ADAMTS17: variants seen among roughly 807,000 people sequenced by gnomAD.
ADAMTS17 encodes the protein A disintegrin and metalloproteinase with thrombospondin motifs 17.
A neutral mutation model predicts 141.5 loss-of-function variants in ADAMTS17; 113 were observed. The ratio of observed to expected loss-of-function variants is 0.80; its 90% confidence interval spans 0.69 to 0.93. The LOEUF (loss-of-function observed/expected upper bound fraction) is 0.93, where lower values mean the gene tolerates loss of function less well. Among genes scored for constraint, ADAMTS17 ranks in the 40% least tolerant of loss-of-function variants. The probability of loss-of-function intolerance (pLI) is 0.00; values close to 1 mark genes in which losing one functional copy is unlikely to be tolerated. For missense variants in ADAMTS17, 1,659 were observed against 1,517.9 expected (o/e 1.09, Z -1.54); for synonymous variants, 768 against 630.6 (o/e 1.22, Z -3.27).
At chr15:99,988,333 G>A (rs1258437468) in intron 20 of ADAMTS17, among the ~76,000 whole-genome samples, 1 of 152,010 alleles carries the variant, frequency 6.6e-6, no homozygotes, top group African/African-American at 2.4e-5. Flanking sequence ...AAAAAAGTCT[G>A]GGGCCTCTGC....
At chr15:100,267,416 T>C (rs947588828) in intron 4 of ADAMTS17, among the ~76,000 whole-genome samples, 6 of 152,220 alleles carry the variant, frequency 3.9e-5, no homozygotes, top group Non-Finnish European at 7.3e-5. Context: ...CGTTCGGCCA[T>C]TGTGAGTAAT....
At chr15:100,262,231 G>C (rs543120974) in intron 5 of ADAMTS17, 121 bp downstream of exon 5, 156 of 884,116 alleles carry the variant, frequency 1.8e-4, no homozygotes, top group Non-Finnish European at 2.5e-4. Flanking sequence ...CGCTGGCAAA[G>C]CCACAGAGAG....
chr15:100,262,208 G>A (rs923223247), intron 5 of ADAMTS17, 144 bp downstream of exon 5: 40 of 747,898 alleles, frequency 5.3e-5, no homozygotes, highest in Non-Finnish European at 7.5e-5. Flanking sequence ...TACTGATGCC[G>A]GCTTTCCTCT....
chr15:100,084,467 C>A (rs2034964785), intron 15 of ADAMTS17, among the ~76,000 whole-genome samples: 2 of 152,214 alleles, frequency 1.3e-5, no homozygotes, highest in African/African-American at 4.8e-5. Flanking sequence ...ACTTAAATGT[C>A]CCTTTCTGAC....
At chr15:100,056,728 A>G (rs2032604270) in intron 15 of ADAMTS17, among the ~76,000 whole-genome samples, 1 of 152,084 alleles carries the variant, frequency 6.6e-6, no homozygotes, top group African/African-American at 2.4e-5. Context: ...TTCTGCTTGA[A>G]GAAACACCTC....
intron 4 of ADAMTS17, among the ~76,000 whole-genome samples, chr15:100,275,970 G>A (rs375618233): frequency 9.3e-6 from 1 of 107,706 alleles, no homozygotes; most frequent in Non-Finnish European, 1.9e-5. Flanking sequence ...ACACATGGGC[G>A]GGCCAGGCCT....
At position 100,162,860 on chromosome 15, in the gene ADAMTS17, GTA is replaced by G. The variant is rs889745239; in HGVS notation, c.1182-7542_1182-7541del. ...TAACTATATATAGTTATATATCTGTGTATATATATAACTATATGTATATATAT... is the reference window on the plus strand; with the variant it reads ...TAACTATATATAGTTATATATCTGTGTATATATAACTATATGTATATATAT... On this transcript the variant is annotated intron_variant, in intron 8 of 21. Transcript: ENST00000268070. Among the ~76,000 whole-genome samples the G allele has an allele frequency of 1.3e-3, 190 of 142,028 alleles. 3 individuals are homozygous for G. The highest frequency in any genetic ancestry group is 8.9e-3 in the East Asian group (39 of 4,406). The allele number at this position is 142,028 out of a possible 152,430, so 93.2% of individuals were successfully genotyped here.
chr15:100,060,506 G>T (rs2033034207), intron 15 of ADAMTS17, among the ~76,000 whole-genome samples: 1 of 152,236 alleles, frequency 6.6e-6, no homozygotes, highest in Non-Finnish European at 1.5e-5. Context: ...GAAGGGCACT[G>T]CTCCTTTTCA....
intron 8 of ADAMTS17, among the ~76,000 whole-genome samples, chr15:100,190,242 T>C (rs1469573197): frequency 6.6e-6 from 1 of 152,220 alleles, no homozygotes; most frequent in African/African-American, 2.4e-5. Context: ...GAAACCACCA[T>C]CTGTGCTCTG....
intron 3 of ADAMTS17, among the ~76,000 whole-genome samples, chr15:100,293,892 T>C (rs932604716): frequency 1.2e-4 from 19 of 152,184 alleles, no homozygotes; most frequent in Non-Finnish European, 2.5e-4. Flanking sequence ...AACATAAATG[T>C]CCTGAAATGA....
rs116948752 is a variant in ADAMTS17, at chr15:100,127,538, G to A, written c.1721+4469C>T. Among the ~76,000 whole-genome samples the A allele has an allele frequency of 9.2e-5, 14 of 152,324 alleles. No homozygotes were observed. The East Asian group carries it at 2.1e-3, about 23-fold the overall frequency. The stretch of plus-strand genomic sequence containing the variant: ...GGCCTGCCGCTGCCTCGTGTGTGAC[G>A]TTGGGCAAGTTACCAAACTTCAATG... On this transcript the variant is annotated intron_variant, in intron 12 of 21. Coordinates refer to ENST00000268070, the MANE Select transcript of ADAMTS17 (RefSeq NM_139057.4).
chr15:100,050,989 C>T (rs1464508359), intron 17 of ADAMTS17, among the ~76,000 whole-genome samples: 1 of 152,188 alleles, frequency 6.6e-6, no homozygotes, highest in Non-Finnish European at 1.5e-5. Flanking sequence ...TTTGGCTCAC[C>T]CTGTGGACCC....
intron 18 of ADAMTS17, among the ~76,000 whole-genome samples, chr15:100,043,602 G>A (rs1008784634): frequency 6.6e-6 from 1 of 152,046 alleles, no homozygotes; most frequent in Non-Finnish European, 1.5e-5. Context: ...TCTGGCCTGC[G>A]GGGTTATTTT....
chr15:100,145,987 A>G (rs1359820539), intron 10 of ADAMTS17, among the ~76,000 whole-genome samples: 1 of 152,232 alleles, frequency 6.6e-6, no homozygotes, highest in Non-Finnish European at 1.5e-5. Flanking sequence ...AGCCTAGCCA[A>G]CACGGTGGAA....
At chr15:100,133,166 G>T in intron 11 of ADAMTS17, 48 bp downstream of exon 11, 1 of 1,511,362 alleles carries the variant, frequency 6.6e-7, no homozygotes, top group Non-Finnish European at 9.0e-7. Context: ...CCAGTTGCCT[G>T]CAAGATGTGG....
At chr15:100,249,285 C>T (rs2043079831) in intron 7 of ADAMTS17, among the ~76,000 whole-genome samples, 1 of 152,210 alleles carries the variant, frequency 6.6e-6, no homozygotes, top group Admixed American at 6.5e-5. Flanking sequence ...TCAATCTTCA[C>T]CCGAAAGATC....
At position 99,971,584 on chromosome 15, in the gene ADAMTS17, AATTCCATGGGTAC is replaced by A. The variant is rs1282169995; in HGVS notation, c.*2805_*2817del. On this transcript the variant is annotated 3_prime_UTR_variant, in exon 22 of 22. Transcript: ENST00000268070. Reference sequence around the variant, plus strand: ...AACCAGCCCCAAAAAGTAAAACAAAAATTCCATGGGTACAGTATGTAATGCAAGTTAACGAATG... The same window carrying A: ...AACCAGCCCCAAAAAGTAAAACAAAAAGTATGTAATGCAAGTTAACGAATG... 3.9e-5 allele frequency: 6 copies of A among 152,234 alleles called. No individual in the cohort carries two copies. The highest frequency in any genetic ancestry group is 1.4e-4 in the African/African-American group (6 of 41,462). The allele number at this position is 152,234 out of a possible 1,614,324, so 9.4% of individuals were successfully genotyped here.
At chr15:100,276,439 AGGGT>A (rs1439594689) in intron 4 of ADAMTS17, among the ~76,000 whole-genome samples, 2 of 39,108 alleles carry the variant, frequency 5.1e-5, no homozygotes, top group Non-Finnish European at 9.1e-5. Flanking sequence ...GCCTGGTGGG[AGGGT>A]GGGAGGGGGT....
In ADAMTS17 at chr15:100,006,411, A is replaced by C. The variant is rs141412654; in HGVS notation, c.2592-8822T>G. 8.3e-4 allele frequency among the ~76,000 whole-genome samples: 126 copies of C among 152,346 alleles called. 2 individuals carry two copies. In the East Asian group the frequency reaches 0.023, roughly 28 times the overall value. On this transcript the variant is annotated intron_variant, in intron 18 of 21. Transcript: ENST00000268070. ...TCTTGATTTGGCTGAGATTTAAACT[A>C]GGTAAAGGCCTTGTGAGGTCTGCTG...
Sources: gnomAD v4.1 joint callset for allele counts (sites outside exome capture counted in the v4.1 genomes callset) on GRCh38, gnomAD v4.1.1 for gene constraint, MANE v1.5 for transcripts, NCBI Gene and HGNC (gene_info 2026-07-23, HGNC 2026-07-21) for gene names.